Variants in PRKDC observed in about 807,000 individuals in gnomAD.
PRKDC encodes the protein protein kinase, DNA-activated, catalytic subunit.
Under a neutral mutation model 486.9 loss-of-function variants are expected in PRKDC, and 82 were observed. That is an observed-to-expected ratio of 0.17 (90% CI 0.14 to 0.20). PRKDC has a LOEUF of 0.20. Ranked by LOEUF, PRKDC falls within the 10% of genes least tolerant of loss-of-function variation. The probability of loss-of-function intolerance (pLI) is 1.00; values close to 1 mark genes in which losing one functional copy is unlikely to be tolerated. For synonymous variants in PRKDC, 1,895 were observed against 1,837.0 expected, an observed-to-expected ratio of 1.03 and a Z score of -0.81; for missense variants, 4,504 against 5,038.2, an observed-to-expected ratio of 0.89 and a Z score of 3.21.
chr8:47,938,025 G>C (rs889075943), intron 11 of PRKDC, among the ~76,000 whole-genome samples: 1 of 152,146 alleles, frequency 6.6e-6, no homozygotes, highest in African/African-American at 2.4e-5. Context: ...TAAGGCAGCA[G>C]GATTGCTTAG....
rs148536253 is a variant in PRKDC at position 47,828,060 on chromosome 8, A to C, written c.8577+108T>G. 1.1e-3 allele frequency: 1,199 copies of C among 1,089,244 alleles called. 2 individuals carry two copies. The highest frequency in any genetic ancestry group is 1.4e-3 in the Non-Finnish European group (1,095 of 769,106). 67.5% of individuals were successfully genotyped at this position (1,089,244 alleles called of 1,614,324 possible). On this transcript the variant is annotated intron_variant, in intron 62 of 85. Transcript: ENST00000314191. ...CCAAATAGTACATCTTACTCTGTTA[A>C]ACACCAGGTTATCAAGAGTCTCAAC...
chr8:47,778,412 T>C (rs1378989387), intron 83 of PRKDC, 47 bp downstream of exon 83: 3 of 1,574,632 alleles, frequency 1.9e-6, no homozygotes, highest in East Asian at 2.3e-5. Context: ...GAAAGTCCTA[T>C]GATGACTCTC....
At chr8:47,795,970 C>T (rs555984926) in intron 73 of PRKDC, among the ~76,000 whole-genome samples, 1 of 151,694 alleles carries the variant, frequency 6.6e-6, no homozygotes, top group African/African-American at 2.4e-5. Context: ...TCTCGGCTCA[C>T]TGCAACCTCC....
Position 47,830,676 on chromosome 8 carries a change from G to T in PRKDC, c.8326C>A (p.Arg2776=). ...TGAATGTCAGGAAGGTCTCCGTGCC[G>T]GTAGCTTCTGTACAGAACGACCTGG... ...DAQVVLYRSY[R]HGDLPDIQIK... The change falls in exon 61 of 86, where the codon CGG becomes AGG. Residue 2776 remains arginine (R), a synonymous_variant. Transcript: ENST00000314191. 1 of 1,613,902 alleles carries T rather than the reference G, an allele frequency of 6.2e-7. No individual in the cohort carries two copies. The highest frequency in any genetic ancestry group is 8.5e-7 in the Non-Finnish European group (1 of 1,179,880).
chr8:47,849,090 C>A, intron 54 of PRKDC, 64 bp downstream of exon 54: 1 of 1,560,936 alleles, frequency 6.4e-7, no homozygotes. Flanking sequence ...GAGTTGGAGA[C>A]GTCTTAATAA....
rs8178039 is a variant in PRKDC, at chr8:47,930,095, A to G, written c.1893-83T>C. The G allele has an allele frequency of 1.5e-3, 1,764 of 1,206,150 alleles. 37 individuals are homozygous for G. The Admixed American group carries it at 0.036, about 24-fold the overall frequency. 74.7% of individuals were successfully genotyped at this position (1,206,150 alleles called of 1,614,324 possible). A position where few individuals can be genotyped will look rare whatever the true frequency, so the allele number is the denominator to read the frequency against. On this transcript the variant is annotated intron_variant, in intron 17 of 85. Transcript: ENST00000314191. ...TGTAAGGGACATAATCGAACAACTA[A>G]GCTACAAACCCATCACGTAACATTT...
At position 47,800,998 on chromosome 8, in the gene PRKDC, A is replaced by C. The variant is rs1440115966; in HGVS notation, c.9923-12T>G. On this transcript the variant is annotated splice_polypyrimidine_tract_variant and intron_variant, in intron 70 of 85. Transcript: ENST00000314191. ...CACGTTGTTCTCATCTGTTGGATTA[A>C]AAAAACAAAACAAAACAAAATTTTG... The C allele has an allele frequency of 8.7e-6, 14 of 1,611,428 alleles. No individual in the cohort carries two copies. The highest frequency in any genetic ancestry group is 1.1e-5 in the Non-Finnish European group (13 of 1,178,714).
At chr8:47,959,848 C>G (rs1563826872) in intron 1 of PRKDC, 125 bp downstream of exon 1, 1 of 1,431,018 alleles carries the variant, frequency 7.0e-7, no homozygotes, top group Non-Finnish European at 9.2e-7. Flanking sequence ...GAAATTCCCC[C>G]AAGAATCTAA....
At position 47,819,467 on chromosome 8, in the gene PRKDC, G is replaced by T. The variant is rs1418662853; in HGVS notation, c.9380C>A (p.Thr3127Asn). 3 of 1,552,798 alleles carry T rather than the reference G, an allele frequency of 1.9e-6. No homozygotes were observed. Among genetic ancestry groups the T allele is most frequent in the Non-Finnish European group, 1.7e-6 (2 of 1,155,294 alleles). Residue 3127 changes from threonine (T) to asparagine (N), a missense_variant, in exon 67 of 86, where the codon ACC (threonine) becomes AAC (asparagine). Thr to Asn is a moderately conservative substitution (Grantham distance 65). Coordinates refer to ENST00000314191, the MANE Select transcript of PRKDC (RefSeq NM_006904.7). ...IDVLLHQSRL[T>N]KLQSVQALTE... ...TAAAGCCTGTACAGACTGCAATTTG[G>T]TGAGTCTACTTTGGTGTAAGAGGAC...
chr8:47,885,071 A>T (rs1403195404), intron 36 of PRKDC, among the ~76,000 whole-genome samples: 1 of 152,246 alleles, frequency 6.6e-6, no homozygotes, highest in East Asian at 1.9e-4. Context: ...TGTGCCTTAT[A>T]ATATTTAGGC....
intron 1 of PRKDC, among the ~76,000 whole-genome samples, chr8:47,958,283 G>A (rs1432494008): frequency 1.3e-5 from 2 of 152,150 alleles, no homozygotes; most frequent in African/African-American, 4.8e-5. Context: ...GAATGTCAGG[G>A]ACCTCAATCC....
At chr8:47,884,826 G>C (rs923428652) in intron 36 of PRKDC, among the ~76,000 whole-genome samples, 2 of 152,162 alleles carry the variant, frequency 1.3e-5, no homozygotes, top group African/African-American at 4.8e-5. Flanking sequence ...TTTAGCAAAC[G>C]AAAGTCAACT....
intron 20 of PRKDC, 43 bp from the exon 21 acceptor site, chr8:47,927,396 A>G (rs758994995): frequency 2.6e-5 from 40 of 1,566,878 alleles, no homozygotes; most frequent in South Asian, 9.6e-5. Context: ...CGCAGGAAAT[A>G]TAAGATTTAG....
chr8:47,942,834 C>T (rs1018103215), intron 10 of PRKDC, among the ~76,000 whole-genome samples: 1 of 152,232 alleles, frequency 6.6e-6, no homozygotes, highest in Non-Finnish European at 1.5e-5. Flanking sequence ...CCCTTGTTTT[C>T]AAGTTGACAC....
At position 47,879,398 on chromosome 8, in the gene PRKDC, T is replaced by C. The variant is rs578095629; in HGVS notation, c.5235+93A>G. On this transcript the variant is annotated intron_variant, in intron 39 of 85. Coordinates refer to ENST00000314191, the MANE Select transcript of PRKDC (RefSeq NM_006904.7). ...ATTGGGTGGTTTACAACTTCTCTGA[T>C]TGTGGATATTTTACTCACCTCTTTT... The C allele has an allele frequency of 3.9e-5, 46 of 1,186,518 alleles. No homozygotes were observed. In the African/African-American group the frequency reaches 4.7e-4, roughly 12 times the overall value. The allele number at this position is 1,186,518 out of a possible 1,614,324, so 73.5% of individuals were successfully genotyped here.
intron 10 of PRKDC, 47 bp downstream of exon 10, chr8:47,943,162 C>G (rs371655709): frequency 3.1e-5 from 49 of 1,580,878 alleles, no homozygotes; most frequent in African/African-American, 5.4e-5. Flanking sequence ...GAATTTAATT[C>G]TGTGTGTGAA....
At chr8:47,901,749 AT>A (rs146687847) in intron 27 of PRKDC, among the ~76,000 whole-genome samples, 4,303 of 149,754 alleles carry the variant, frequency 0.029, 86 homozygotes, top group Middle Eastern at 0.042. Context: ...CTGGCACATC[AT>A]TTTTTTTTTC....
At chr8:47,880,231 T>A (rs2089183949) in intron 38 of PRKDC, among the ~76,000 whole-genome samples, 1 of 152,204 alleles carries the variant, frequency 6.6e-6, no homozygotes, top group African/African-American at 2.4e-5. Context: ...TGGTGCTGAT[T>A]CGGTATGTGC....
chr8:47,935,453 TC>T (rs1460079499), intron 13 of PRKDC, among the ~76,000 whole-genome samples: 1 of 151,796 alleles, frequency 6.6e-6, no homozygotes. Context: ...TGAGCCAAGA[TC>T]ATGCCACTGC....
Sources: gnomAD v4.1 joint callset for allele counts (sites outside exome capture counted in the v4.1 genomes callset) on GRCh38, gnomAD v4.1.1 for gene constraint, MANE v1.5 for transcripts, NCBI Gene and HGNC (gene_info 2026-07-23, HGNC 2026-07-21) for gene names.